Variants in RBP3 observed in about 807,000 individuals in gnomAD.
RBP3 encodes the protein retinol binding protein 3.
Under a neutral mutation model 64.8 loss-of-function variants are expected in RBP3, and 50 were observed. That is an observed-to-expected ratio of 0.77 (90% CI 0.61 to 0.98). RBP3 has a LOEUF of 0.98. Ranked by LOEUF, RBP3 falls within the 50% of genes least tolerant of loss-of-function variation. The pLI is 0.00. For missense variants in RBP3, 1,712 were observed against 1,660.5 expected, an observed-to-expected ratio of 1.03 and a Z score of -0.54; for synonymous variants, 828 against 730.2, an observed-to-expected ratio of 1.13 and a Z score of -2.16.
At chr10:47,351,949 A>G (rs1358422202) in intron 1 of RBP3, among the ~76,000 whole-genome samples, 3 of 152,178 alleles carry the variant, frequency 2.0e-5, no homozygotes, top group Non-Finnish European at 4.4e-5. Context: ...GCTAGGGAAG[A>G]GGCCAACACC....
Position 47,350,087 on chromosome 10 carries a change from C to G in RBP3, c.1603C>G (p.Arg535Gly), listed in dbSNP as rs143632019. The G allele has an allele frequency of 2.5e-6, 4 of 1,613,050 alleles. No homozygotes were observed. Among genetic ancestry groups the G allele is most frequent in the Admixed American group, 3.3e-5 (2 of 60,016 alleles). ...CCCGGGCCCACGCTACAGCACCCAACGTGGGGTGTATCTGCTCACCAGCCA... is the reference window on the plus strand; with the variant it reads ...CCCGGGCCCACGCTACAGCACCCAAGGTGGGGTGTATCTGCTCACCAGCCA... ...ELPGPRYSTQ[R>G]GVYLLTSHRT... is the part of the protein sequence containing the mutation. Residue 535 changes from arginine to glycine, a missense_variant, in exon 1 of 4, where the codon CGT becomes GGT. By Grantham distance (125) the Arg-to-Gly change is moderately radical. Transcript: ENST00000584701.
intron 1 of RBP3, among the ~76,000 whole-genome samples, chr10:47,352,065 C>T (rs782036683): frequency 6.6e-6 from 1 of 152,232 alleles, no homozygotes; most frequent in African/African-American, 2.4e-5. Flanking sequence ...TCTGCTGCAT[C>T]GTCACAATTG....
chr10:47,349,580 G>C lies in RBP3; in HGVS notation c.1096G>C (p.Glu366Gln), dbSNP rs1836921119. Residue 366 changes from glutamate to glutamine, a missense_variant, in exon 1 of 4, where the codon GAA becomes CAA. Coordinates refer to ENST00000584701, the MANE Select transcript of RBP3 (RefSeq NM_002900.3). ...SMDFSTVVSE[E>Q]DLVTKLNAGL... The stretch of plus-strand genomic sequence containing the variant: ...GGACTTCTCCACGGTGGTCTCCGAG[G>C]AAGATCTGGTCACCAAGCTCAATGC... 1 of 1,612,872 alleles carries C rather than the reference G, an allele frequency of 6.2e-7. No homozygotes were observed. Among genetic ancestry groups the C allele is most frequent in the Non-Finnish European group, 8.5e-7 (1 of 1,180,016 alleles).
intron 1 of RBP3, among the ~76,000 whole-genome samples, chr10:47,352,888 G>A (rs542502576): frequency 5.1e-4 from 77 of 152,318 alleles, no homozygotes; most frequent in African/African-American, 1.8e-3. Flanking sequence ...GATGGGGATC[G>A]TGTTATCTCC....
Position 47,353,526 on chromosome 10 carries a change from A to G in RBP3, c.3245+11A>G, listed in dbSNP as rs782600757. ...GATCATCGACATGAGGTCAGTGGCC[A>G]GGGGTCAGTGCTTCCTAGCCAGGAC... On this transcript the variant is annotated intron_variant, in intron 2 of 3. Transcript: ENST00000584701. 1.9e-5 allele frequency: 30 copies of G among 1,613,542 alleles called. No homozygotes were observed. The highest frequency in any genetic ancestry group is 1.7e-4 in the Middle Eastern group (1 of 5,988).
At position 47,349,321 on chromosome 10, in the gene RBP3, G is replaced by T. The variant is rs2376635; in HGVS notation, c.837G>T (p.Thr279=). 1.4e-5 allele frequency: 23 copies of T among 1,612,444 alleles called. No individual in the cohort carries two copies. In the Admixed American group the frequency reaches 2.7e-4, roughly 19 times the overall value. ...LRIGESDFFF[T]VPVSRSLGPL... ...TAGGCGAGTCTGACTTCTTCTTCAC[G>T]GTGCCCGTGTCCAGGTCCCTGGGGC... Residue 279 remains threonine (T), a synonymous_variant, in exon 1 of 4, where the codon ACG becomes ACT. Transcript: ENST00000584701.
In RBP3 at chr10:47,350,096, T is replaced by C. The variant is rs782722423; in HGVS notation, c.1612T>C (p.Tyr538His). 3.7e-6 allele frequency: 6 copies of C among 1,613,010 alleles called. No homozygotes were observed. The highest frequency in any genetic ancestry group is 2.2e-5 in the East Asian group (1 of 44,870). ...ACGCTACAGCACCCAACGTGGGGTG[T>C]ATCTGCTCACCAGCCACCGCACCGC... is the stretch of plus-strand genomic sequence containing the variant. The part of the protein sequence containing the change: ...GPRYSTQRGV[Y>H]LLTSHRTATA... The change falls in exon 1 of 4, where the codon TAT (tyrosine) becomes CAT (histidine). Residue 538 changes from tyrosine to histidine, a missense_variant. Tyr to His is a moderately conservative substitution (Grantham distance 83). Coordinates refer to ENST00000584701, the MANE Select transcript of RBP3 (RefSeq NM_002900.3).
In RBP3 at chr10:47,350,475, T is replaced by C. The variant is rs1836950106; in HGVS notation, c.1991T>C (p.Leu664Pro). 1 of 1,612,590 alleles carries C rather than the reference T, an allele frequency of 6.2e-7. No individual in the cohort carries two copies. The highest frequency in any genetic ancestry group is 1.1e-5 in the South Asian group (1 of 91,078). ...PEVVGQTSALLRAKLAQGAYR... is the reference protein window; with the variant it reads ...PEVVGQTSALPRAKLAQGAYR... ...GTCGTGGGGCAGACCAGTGCCCTCC[T>C]GCGGGCCAAGCTGGCCCAGGGCGCC... Residue 664 changes from leucine to proline, a missense_variant, in exon 1 of 4, where the codon CTG becomes CCG. Transcript: ENST00000584701.
chr10:47,349,104 C>T lies in RBP3; in HGVS notation c.620C>T (p.Thr207Ile), dbSNP rs1555210978. 1 of 1,614,084 alleles carries T rather than the reference C, an allele frequency of 6.2e-7. No homozygotes were observed. The highest frequency in any genetic ancestry group is 8.5e-7 in the Non-Finnish European group (1 of 1,180,036). ...ATCTACAACCGCCCCTCCAACACCA[C>T]CACGGAGATCTGGACCTTGCCCCAG... ...DTIYNRPSNT[T>I]TEIWTLPQVL... The change falls in exon 1 of 4, where the codon ACC becomes ATC. Residue 207 changes from threonine (T) to isoleucine (I), a missense_variant. By Grantham distance (89) the Thr-to-Ile change is moderately conservative. Transcript: ENST00000584701.
Position 47,353,381 on chromosome 10 carries a change from G to A in RBP3, c.3111G>A (p.Val1037=). Residue 1037 remains valine (V), a synonymous_variant, in exon 2 of 4, where the codon GTG becomes GTA. Coordinates refer to ENST00000584701, the MANE Select transcript of RBP3 (RefSeq NM_002900.3). ...TCAAGTTTTCCTTCCACACTAACGT[G>A]CTTGAGGACAACATTGGCTACTTGA... ...ELIKFSFHTN[V]LEDNIGYLRF... 6.2e-7 allele frequency: 1 copy of A among 1,614,120 alleles called. No homozygotes were observed. The highest frequency in any genetic ancestry group is 8.5e-7 in the Non-Finnish European group (1 of 1,180,040).
In RBP3 at chr10:47,350,626, C is replaced by T. The variant is rs1555211416; in HGVS notation, c.2142C>T (p.Pro714=). 6.2e-7 allele frequency: 1 copy of T among 1,612,740 alleles called. No individual in the cohort carries two copies. Among genetic ancestry groups the T allele is most frequent in the African/African-American group, 1.3e-5 (1 of 74,932 alleles). The change falls in exon 1 of 4, where the codon CCC becomes CCT. Residue 714 remains proline (P), a synonymous_variant. Coordinates refer to ENST00000584701, the MANE Select transcript of RBP3 (RefSeq NM_002900.3). The part of the protein sequence containing the change: ...SPGELVVEEA[P]PPPPAVPSPE... ...GCGAGCTGGTGGTAGAGGAAGCACCCCCACCACCCCCTGCTGTCCCCTCTC... is the reference window on the plus strand; with the variant it reads ...GCGAGCTGGTGGTAGAGGAAGCACCTCCACCACCCCCTGCTGTCCCCTCTC...
In RBP3 at chr10:47,348,726, C is replaced by T. The variant is rs868978477; in HGVS notation, c.242C>T (p.Ser81Phe). The T allele has an allele frequency of 1.2e-6, 2 of 1,613,474 alleles. No individual in the cohort carries two copies. Among genetic ancestry groups the T allele is most frequent in the African/African-American group, 2.7e-5 (2 of 74,930 alleles). The change falls in exon 1 of 4, where the codon TCC (serine) becomes TTC (phenylalanine). Residue 81 changes from serine to phenylalanine, a missense_variant. Coordinates refer to ENST00000584701, the MANE Select transcript of RBP3 (RefSeq NM_002900.3). ...GTGCTGACAGCCGGGGTGCAGAGCT[C>T]CCTGAACGATCCTCGCCTGGTCATC... ...ASVLTAGVQS[S>F]LNDPRLVISY...
rs139362090 is a variant in RBP3, at chr10:47,349,193, G to T, written c.709G>T (p.Gly237Cys). ...VVVLTSSQTR[G>C]VAEDIAHILK... ...GGTCCTCACCAGCAGCCAGACCAGG[G>T]GCGTGGCCGAGGACATCGCGCACAT... The change falls in exon 1 of 4, where the codon GGC becomes TGC. Residue 237 changes from glycine (G) to cysteine (C), a missense_variant. Transcript: ENST00000584701. 9 of 1,613,566 alleles carry T rather than the reference G, an allele frequency of 5.6e-6. No homozygotes were observed. The highest frequency in any genetic ancestry group is 6.8e-6 in the Non-Finnish European group (8 of 1,180,046).
Position 47,350,944 on chromosome 10 carries a change from C to T in RBP3, c.2460C>T (p.Val820=). 6.2e-7 allele frequency: 1 copy of T among 1,613,002 alleles called. No homozygotes were observed. Among genetic ancestry groups the T allele is most frequent in the Non-Finnish European group, 8.5e-7 (1 of 1,180,022 alleles). Residue 820 remains valine, a synonymous_variant, in exon 1 of 4, where the codon GTC becomes GTT. Coordinates refer to ENST00000584701, the MANE Select transcript of RBP3 (RefSeq NM_002900.3). The part of the protein sequence containing the change: ...YSVFDRATSK[V]TEVWTLPQVA... ...TCTTTGACAGGGCCACCTCAAAAGT[C>T]ACGGAGGTGTGGACCTTGCCCCAGG... is the stretch of plus-strand genomic sequence containing the variant.
rs1457054321 is a variant in RBP3 at position 47,348,675 on chromosome 10, T to C, written c.191T>C (p.Ile64Thr). The C allele has an allele frequency of 1.2e-6, 2 of 1,613,422 alleles. No homozygotes were observed. The highest frequency in any genetic ancestry group is 3.3e-5 in the Admixed American group (2 of 60,006). Residue 64 changes from isoleucine to threonine, a missense_variant, in exon 1 of 4, where the codon ATC becomes ACC. Coordinates refer to ENST00000584701, the MANE Select transcript of RBP3 (RefSeq NM_002900.3). ...ATCAAGAGCCATGAGATTCTGAGCA[T>C]CTCAGACCCGCAGACGCTGGCCAGT... The part of the protein sequence containing the change: ...QAIKSHEILS[I>T]SDPQTLASVL...
rs782142540 is a variant in RBP3 at position 47,349,926 on chromosome 10, A to C, written c.1442A>C (p.Asn481Thr). 8 of 1,611,988 alleles carry C rather than the reference A, an allele frequency of 5.0e-6. No individual in the cohort carries two copies. In the Admixed American group the frequency reaches 1.2e-4, roughly 24 times the overall value. ...CACCTCATCATGGACCTGCGCCACA[A>C]CCCTGGAGGGCCATCCTCTGCTGTG... Reference protein sequence around the residue: ...TEHLIMDLRHNPGGPSSAVPL... With the variant: ...TEHLIMDLRHTPGGPSSAVPL... The change falls in exon 1 of 4, where the codon AAC (asparagine) becomes ACC (threonine). Residue 481 changes from asparagine to threonine, a missense_variant. Asn to Thr is a moderately conservative substitution (Grantham distance 65). Transcript: ENST00000584701.
rs1677437486 is a variant in RBP3, at chr10:47,357,548, C to T, written c.*91C>T. On this transcript the variant is annotated 3_prime_UTR_variant, in exon 4 of 4. Transcript: ENST00000584701. ...CTGCAGGTGGCCCGGCCTGAGGTTC[C>T]CAGGAGCAGCAAAGGGGCCTGCTGA... The T allele has an allele frequency of 2.6e-6, 3 of 1,163,776 alleles. No homozygotes were observed. Among genetic ancestry groups the T allele is most frequent in the Admixed American group, 4.3e-5 (2 of 46,140 alleles). The allele number at this position is 1,163,776 out of a possible 1,614,324, so 72.1% of individuals were successfully genotyped here. A position where few individuals can be genotyped will look rare whatever the true frequency, so the allele number is the denominator to read the frequency against.
chr10:47,349,588 G>A lies in RBP3; in HGVS notation c.1104G>A (p.Leu368=), dbSNP rs781784670. ...CCACGGTGGTCTCCGAGGAAGATCT[G>A]GTCACCAAGCTCAATGCCGGCCTGC... ...DFSTVVSEED[L]VTKLNAGLQA... Residue 368 remains leucine, a synonymous_variant, in exon 1 of 4, where the codon CTG becomes CTA. Transcript: ENST00000584701. 9.9e-6 allele frequency: 16 copies of A among 1,612,804 alleles called. No homozygotes were observed. The highest frequency in any genetic ancestry group is 1.4e-5 in the Non-Finnish European group (16 of 1,180,014).
At position 47,350,909 on chromosome 10, in the gene RBP3, C is replaced by T. The variant is rs1555211468; in HGVS notation, c.2425C>T (p.Leu809=). Residue 809 remains leucine, a synonymous_variant, in exon 1 of 4, where the codon CTG becomes TTG. Coordinates refer to ENST00000584701, the MANE Select transcript of RBP3 (RefSeq NM_002900.3). Reference sequence around the variant, plus strand: ...CTTTGAGGCAGAGCCCCGCCAGCACCTGTATTCTGTCTTTGACAGGGCCAC... The same window carrying T: ...CTTTGAGGCAGAGCCCCGCCAGCACTTGTATTCTGTCTTTGACAGGGCCAC... ...YFFEAEPRQH[L]YSVFDRATSK... 1.2e-6 allele frequency: 2 copies of T among 1,612,950 alleles called. No individual in the cohort carries two copies. The highest frequency in any genetic ancestry group is 8.5e-7 in the Non-Finnish European group (1 of 1,180,022).
Sources: gnomAD v4.1 joint callset for allele counts (sites outside exome capture counted in the v4.1 genomes callset) on GRCh38, gnomAD v4.1.1 for gene constraint, MANE v1.5 for transcripts, NCBI Gene and HGNC (gene_info 2026-07-23, HGNC 2026-07-21) for gene names.